Variants in MAP4K3 observed in about 807,000 individuals in gnomAD.
MAP4K3 encodes the protein MAPK/ERK kinase kinase kinase 3.
Under a neutral mutation model 143.5 loss-of-function variants are expected in MAP4K3, and 94 were observed. That is an observed-to-expected ratio of 0.65 (90% CI 0.55 to 0.78). MAP4K3 has a LOEUF of 0.78. Among genes scored for constraint, MAP4K3 ranks in the 30% least tolerant of loss-of-function variants. MAP4K3 has a pLI of 0.00. For missense variants in MAP4K3, 1,077 were observed against 1,068.1 expected, an observed-to-expected ratio of 1.01 and a Z score of -0.12; for synonymous variants, 416 against 347.2, an observed-to-expected ratio of 1.20 and a Z score of -2.20.
chr2:39,261,955 CTA>C (rs1025560392), intron 28 of MAP4K3, among the ~76,000 whole-genome samples: 1 of 151,892 alleles, frequency 6.6e-6, no homozygotes, highest in African/African-American at 2.4e-5. Flanking sequence ...AGGGAGCTGA[CTA>C]AAAGGGAGGA....
intron 2 of MAP4K3, among the ~76,000 whole-genome samples, chr2:39,372,358 C>T (rs1666105428): frequency 6.6e-6 from 1 of 151,762 alleles, no homozygotes; most frequent in Non-Finnish European, 1.5e-5. Context: ...AATGTCCATA[C>T]TACCCAAAAG....
intron 13 of MAP4K3, among the ~76,000 whole-genome samples, 199 bp from the exon 14 acceptor site, chr2:39,309,718 C>T (rs959652278): frequency 5.3e-5 from 8 of 151,504 alleles, no homozygotes; most frequent in Admixed American, 4.6e-4. Context: ...CCACCACGCC[C>T]GGCTGATTTT....
At chr2:39,278,568 A>G (rs1313555780) in intron 23 of MAP4K3, 82 bp from the exon 24 acceptor site, 14 of 748,704 alleles carry the variant, frequency 1.9e-5, no homozygotes, top group South Asian at 7.5e-5. Flanking sequence ...ACTTCCGTAA[A>G]TAAGTATTAA....
At chr2:39,385,046 G>C (rs1458139666) in intron 1 of MAP4K3, among the ~76,000 whole-genome samples, 1 of 152,106 alleles carries the variant, frequency 6.6e-6, no homozygotes, top group East Asian at 1.9e-4. Flanking sequence ...TATATCATTA[G>C]TTTATTCCTT....
At chr2:39,343,493 A>T (rs1466137515) in intron 3 of MAP4K3, 41 bp from the exon 4 acceptor site, 1 of 1,533,340 alleles carries the variant, frequency 6.5e-7, no homozygotes, top group Non-Finnish European at 9.0e-7. Flanking sequence ...TTTCATGATT[A>T]AAACTGTCTG....
At chr2:39,320,977 T>C (rs778417237) in intron 12 of MAP4K3, among the ~76,000 whole-genome samples, 3 of 152,252 alleles carry the variant, frequency 2.0e-5, no homozygotes, top group Non-Finnish European at 1.5e-5. Context: ...AGGGAAAAAA[T>C]ATACAAATTT....
intron 13 of MAP4K3, among the ~76,000 whole-genome samples, chr2:39,313,418 T>C (rs1481488925): frequency 6.6e-6 from 1 of 152,162 alleles, no homozygotes; most frequent in Non-Finnish European, 1.5e-5. Context: ...TTTCCCTTTG[T>C]GTCCATGAAT....
Position 39,291,514 on chromosome 2 carries a change from A to G in MAP4K3, c.1272-1180T>C, listed in dbSNP as rs185626240. ...AACATCTTTGATGAAGCTCATCAAA[A>G]ACTATATATATGCTTTATGAAATTA... On this transcript the variant is annotated intron_variant, in intron 18 of 33. Coordinates refer to ENST00000263881, the MANE Select transcript of MAP4K3 (RefSeq NM_003618.4). Among the ~76,000 whole-genome samples the G allele has an allele frequency of 8.5e-5, 13 of 152,316 alleles. No individual in the cohort carries two copies. The East Asian group carries it at 2.3e-3, about 27-fold the overall frequency.
At chr2:39,402,971 G>T (rs1455008618) in intron 1 of MAP4K3, among the ~76,000 whole-genome samples, 1 of 152,002 alleles carries the variant, frequency 6.6e-6, no homozygotes, top group Non-Finnish European at 1.5e-5. Flanking sequence ...TACATTCTTT[G>T]AAAGACACAA....
At chr2:39,325,863 T>A in intron 10 of MAP4K3, 36 bp downstream of exon 10, 1 of 1,561,750 alleles carries the variant, frequency 6.4e-7, no homozygotes, top group Non-Finnish European at 8.8e-7. Context: ...TTTTTGCTCA[T>A]CTCACCATAA....
chr2:39,309,600 C>A (rs1346631231), intron 13 of MAP4K3, 81 bp from the exon 14 acceptor site: 1 of 780,796 alleles, frequency 1.3e-6, no homozygotes, highest in East Asian at 3.0e-5. Context: ...CTCTGTCTCC[C>A]ACGCTGGAGT....
chr2:39,251,241 T>C (rs1298574472), intron 33 of MAP4K3, among the ~76,000 whole-genome samples: 1 of 152,204 alleles, frequency 6.6e-6, no homozygotes, highest in Non-Finnish European at 1.5e-5. Context: ...GGGTAATTTA[T>C]CAGGTTGCCC....
chr2:39,370,820 C>T (rs1666060777), intron 2 of MAP4K3, among the ~76,000 whole-genome samples: 1 of 152,112 alleles, frequency 6.6e-6, no homozygotes, highest in Non-Finnish European at 1.5e-5. Context: ...ATTATAATAA[C>T]TAGTGCTGCA....
chr2:39,339,294 A>G (rs942045204), intron 4 of MAP4K3, among the ~76,000 whole-genome samples: 1 of 152,244 alleles, frequency 6.6e-6, no homozygotes, highest in Non-Finnish European at 1.5e-5. Context: ...ACACACATTC[A>G]GTAAGATAAA....
intron 6 of MAP4K3, among the ~76,000 whole-genome samples, chr2:39,336,529 T>G (rs1664972303): frequency 6.7e-6 from 1 of 149,330 alleles, no homozygotes; most frequent in Non-Finnish European, 1.5e-5. Context: ...AAAGGTCAAT[T>G]TATCCATTTT....
chr2:39,316,350 C>A (rs1013660143), intron 12 of MAP4K3, among the ~76,000 whole-genome samples: 3 of 152,012 alleles, frequency 2.0e-5, no homozygotes, highest in Non-Finnish European at 4.4e-5. Flanking sequence ...AACTGAACCT[C>A]TAGCTTGTCA....
chr2:39,408,421 C>T (rs1667152235), intron 1 of MAP4K3, among the ~76,000 whole-genome samples: 1 of 152,042 alleles, frequency 6.6e-6, no homozygotes, highest in African/African-American at 2.4e-5. Flanking sequence ...AAGGGACTGT[C>T]AATTCAATGG....
chr2:39,350,577 G>T (rs1051630365), intron 3 of MAP4K3, among the ~76,000 whole-genome samples: 1 of 152,166 alleles, frequency 6.6e-6, no homozygotes, highest in African/African-American at 2.4e-5. Context: ...TTAAGATCCA[G>T]TTGTTTCCCT....
chr2:39,255,665 G>A (rs1054646048), intron 31 of MAP4K3, among the ~76,000 whole-genome samples: 2 of 152,012 alleles, frequency 1.3e-5, no homozygotes, highest in Non-Finnish European at 2.9e-5. Context: ...TTGGTCTTTG[G>A]CTCTTCCATA....
Sources: gnomAD v4.1 joint callset for allele counts (sites outside exome capture counted in the v4.1 genomes callset) on GRCh38, gnomAD v4.1.1 for gene constraint, MANE v1.5 for transcripts, NCBI Gene and HGNC (gene_info 2026-07-23, HGNC 2026-07-21) for gene names.